LYZL1: variants seen among roughly 807,000 people sequenced by gnomAD.
LYZL1 encodes the protein lysozyme-like protein 1.
A neutral mutation model predicts 17.9 loss-of-function variants in LYZL1; 16 were observed. The observed-to-expected ratio is 0.90, with a 90% CI of 0.61 to 1.36. LYZL1 has a LOEUF of 1.36. Ranked by LOEUF, LYZL1 falls within the 40% of genes most tolerant of loss-of-function variation. The pLI is 0.00. For missense variants in LYZL1, 149 were observed against 188.4 expected, an observed-to-expected ratio of 0.79 and a Z score of 1.22; for synonymous variants, 58 against 71.8, an observed-to-expected ratio of 0.81 and a Z score of 0.97.
At chr10:29,297,781 G>A (rs1177347719) in intron 3 of LYZL1, among the ~76,000 whole-genome samples, 2 of 152,094 alleles carry the variant, frequency 1.3e-5, no homozygotes, top group African/African-American at 4.8e-5. Context: ...TCACACTCAG[G>A]AACATCCTCA....
intron 3 of LYZL1, among the ~76,000 whole-genome samples, chr10:29,300,439 G>C (rs768939973): frequency 3.3e-5 from 5 of 151,878 alleles, no homozygotes; most frequent in Non-Finnish European, 5.9e-5. Flanking sequence ...TTCATCCTTT[G>C]TGCCATGTTG....
At chr10:29,290,658 G>A (rs1163725215) in intron 1 of LYZL1, among the ~76,000 whole-genome samples, 1 of 152,070 alleles carries the variant, frequency 6.6e-6, no homozygotes, top group Non-Finnish European at 1.5e-5. Context: ...GACCAACAGT[G>A]TGAAACCTCA....
chr10:29,303,345 G>T (rs754103955), intron 3 of LYZL1, among the ~76,000 whole-genome samples: 7 of 152,068 alleles, frequency 4.6e-5, no homozygotes, highest in Non-Finnish European at 8.8e-5. Context: ...GAAAGTCATG[G>T]CAGTCACAGG....
Position 29,306,569 on chromosome 10 carries a change from A to G in LYZL1, c.299-3541A>G, listed in dbSNP as rs201830190. Among the ~76,000 whole-genome samples the G allele has an allele frequency of 1.0e-3, 140 of 135,880 alleles. 5 individuals are homozygous for G. Among genetic ancestry groups the G allele is most frequent in the East Asian group, 1.9e-3 (10 of 5,140 alleles). 89.1% of individuals were successfully genotyped at this position (135,880 alleles called of 152,430 possible). A position where few individuals can be genotyped will look rare whatever the true frequency, so the allele number is the denominator to read the frequency against. On this transcript the variant is annotated intron_variant, in intron 3 of 4. Transcript: ENST00000649382. ...CGTCTCAAAAAAAAAAAAAAAAAAAAAAAAAAGAAAAAATAAGGAACTAAA... is the reference window on the plus strand; with the variant it reads ...CGTCTCAAAAAAAAAAAAAAAAAAAGAAAAAAGAAAAAATAAGGAACTAAA...
chr10:29,312,357 C>T (rs902851686), downstream of LYZL1, among the ~76,000 whole-genome samples: 2 of 151,776 alleles, frequency 1.3e-5, no homozygotes, highest in Non-Finnish European at 2.9e-5. Flanking sequence ...AATTTGTAAA[C>T]TTTATTAGAG....
chr10:29,298,738 T>A (rs1835478580), intron 3 of LYZL1, among the ~76,000 whole-genome samples: 1 of 152,120 alleles, frequency 6.6e-6, no homozygotes, highest in African/African-American at 2.4e-5. Flanking sequence ...GAGCTTTTAT[T>A]ATAGATTTCT....
chr10:29,305,784 G>A (rs1835580695), intron 3 of LYZL1, among the ~76,000 whole-genome samples: 1 of 152,154 alleles, frequency 6.6e-6, no homozygotes, highest in Non-Finnish European at 1.5e-5. Context: ...TAAAAATTAA[G>A]TCACATTCAG....
rs1391254253 is a variant in LYZL1 at position 29,306,528 on chromosome 10, C to T, written c.299-3582C>T. Among the ~76,000 whole-genome samples the T allele has an allele frequency of 1.7e-4, 16 of 94,744 alleles. 2 individuals carry two copies. The allele number at this position is 94,744 out of a possible 152,430, so 62.2% of individuals were successfully genotyped here. On this transcript the variant is annotated intron_variant, in intron 3 of 4. Coordinates refer to ENST00000649382, the MANE Select transcript of LYZL1 (RefSeq NM_032517.6). ...TCCCGCCACTGCACTCCAGCCTGGG[C>T]GACAGAGCGAGACTCCGTCTCAAAA...
chr10:29,289,520 G>T (rs992491895), intron 1 of LYZL1, among the ~76,000 whole-genome samples: 1 of 149,172 alleles, frequency 6.7e-6, no homozygotes, highest in Admixed American at 6.7e-5. Flanking sequence ...CCAGCCTCAA[G>T]TGATCCTCCC....
intron 3 of LYZL1, among the ~76,000 whole-genome samples, chr10:29,305,844 G>A (rs1835581288): frequency 1.3e-5 from 2 of 152,178 alleles, no homozygotes; most frequent in African/African-American, 2.4e-5. Flanking sequence ...TTCTAGTGAA[G>A]CTGAACTGAG....
chr10:29,302,700 G>A (rs142183625), intron 3 of LYZL1, among the ~76,000 whole-genome samples: 120 of 152,284 alleles, frequency 7.9e-4, no homozygotes, highest in African/African-American at 2.4e-3. Context: ...TTGTTTGAAT[G>A]AGCTGGCCTT....
At chr10:29,316,905 A>G (rs1225796740) in intron 3 of LYZL1, among the ~76,000 whole-genome samples, 3 of 152,004 alleles carry the variant, frequency 2.0e-5, no homozygotes, top group Non-Finnish European at 4.4e-5. Context: ...TTTTGTAAAT[A>G]CAAGGTCTTG....
chr10:29,291,759 G>C (rs1401832242), intron 1 of LYZL1, 84 bp from the exon 2 acceptor site: 17 of 1,454,752 alleles, frequency 1.2e-5, no homozygotes, highest in South Asian at 3.9e-5. Flanking sequence ...GCAGCATCTA[G>C]GCAGGGCTGT....
chr10:29,315,631 T>C (rs1216098850), downstream of LYZL1, among the ~76,000 whole-genome samples: 1 of 152,064 alleles, frequency 6.6e-6, no homozygotes, highest in Non-Finnish European at 1.5e-5. Flanking sequence ...GAGGATCCCT[T>C]GAGCCCAGGA....
At chr10:29,309,680 G>C (rs1300101489) in intron 3 of LYZL1, among the ~76,000 whole-genome samples, 1 of 152,012 alleles carries the variant, frequency 6.6e-6, no homozygotes, top group African/African-American at 2.4e-5. Flanking sequence ...ACTTTTTGTA[G>C]AGATGGGATC....
intron 1 of LYZL1, 54 bp from the exon 2 acceptor site, chr10:29,291,789 A>T (rs552587421): frequency 6.6e-7 from 1 of 1,523,344 alleles, no homozygotes; most frequent in South Asian, 1.2e-5. Context: ...CCACCGCTGG[A>T]TTTCAAAGTT....
intron 3 of LYZL1, among the ~76,000 whole-genome samples, chr10:29,308,519 G>T (rs1381983614): frequency 6.6e-6 from 1 of 152,220 alleles, no homozygotes; most frequent in Non-Finnish European, 1.5e-5. Flanking sequence ...TGCAACAGAA[G>T]TGATATTGGA....
At chr10:29,309,983 A>C in intron 3 of LYZL1, 127 bp from the exon 4 acceptor site, 1 of 636,402 alleles carries the variant, frequency 1.6e-6, no homozygotes, top group Non-Finnish European at 2.7e-6. Flanking sequence ...GTGGCTTTGC[A>C]GGCAAAATCA....
intron 3 of LYZL1, among the ~76,000 whole-genome samples, chr10:29,304,665 CA>C (rs1835567348): frequency 1.3e-5 from 2 of 152,254 alleles, no homozygotes; most frequent in African/African-American, 4.8e-5. Flanking sequence ...TGAGCAGAAA[CA>C]ATTACTGGCA....
Sources: gnomAD v4.1 joint callset for allele counts (sites outside exome capture counted in the v4.1 genomes callset) on GRCh38, gnomAD v4.1.1 for gene constraint, MANE v1.5 for transcripts, NCBI Gene and HGNC (gene_info 2026-07-23, HGNC 2026-07-21) for gene names.